Variants in DOCK4 observed in about 807,000 individuals in gnomAD.
The protein encoded by DOCK4 is dedicator of cytokinesis 4, also known as dedicator of cytokinesis protein 4.
DOCK4 carries 97 observed loss-of-function variants against 268.1 expected under a neutral mutation model. That is an observed-to-expected ratio of 0.36 (90% CI 0.31 to 0.43). The LOEUF (loss-of-function observed/expected upper bound fraction) is 0.43. DOCK4 is among the 20% of genes least tolerant of loss of function. The pLI is 1.00. For missense variants in DOCK4, 2,145 were observed against 2,455.7 expected (o/e 0.87, Z 2.67); for synonymous variants, 954 against 887.2 (o/e 1.08, Z -1.34).
intron 25 of DOCK4, among the ~76,000 whole-genome samples, chr7:111,836,612 A>G (rs1033917032): frequency 6.6e-6 from 1 of 152,198 alleles, no homozygotes; most frequent in African/African-American, 2.4e-5. Flanking sequence ...TAACATAGTT[A>G]TATTACTGTA....
chr7:111,731,609 C>T (rs1007327361), intron 52 of DOCK4, among the ~76,000 whole-genome samples: 1 of 152,160 alleles, frequency 6.6e-6, no homozygotes, highest in African/African-American at 2.4e-5. Flanking sequence ...TTAAATAGCC[C>T]ATGTCTACAA....
At chr7:111,939,080 T>C (rs1794989626) in intron 11 of DOCK4, among the ~76,000 whole-genome samples, 1 of 151,588 alleles carries the variant, frequency 6.6e-6, no homozygotes, top group African/African-American at 2.4e-5. Context: ...CTACAAGCCA[T>C]GGATCCCCCA....
chr7:111,760,031 T>G, intron 40 of DOCK4, 150 bp downstream of exon 40: 1 of 957,660 alleles, frequency 1.0e-6, no homozygotes, highest in Non-Finnish European at 1.5e-6. Flanking sequence ...TCAGAAGGAG[T>G]TAAGCTAAAA....
intron 30 of DOCK4, among the ~76,000 whole-genome samples, chr7:111,798,251 C>G (rs1019481361): frequency 1.4e-4 from 21 of 152,244 alleles, no homozygotes; most frequent in African/African-American, 5.1e-4. Context: ...GGACCAGTCT[C>G]ACAGATGGTC....
intron 8 of DOCK4, among the ~76,000 whole-genome samples, chr7:111,959,791 C>T (rs150937228): frequency 1.7e-3 from 257 of 152,286 alleles, no homozygotes; most frequent in African/African-American, 5.6e-3. Context: ...CTTAGATTTT[C>T]CTTGTGACAC....
intron 8 of DOCK4, among the ~76,000 whole-genome samples, chr7:111,946,692 A>T (rs1220372174): frequency 6.6e-6 from 1 of 152,098 alleles, no homozygotes; most frequent in Non-Finnish European, 1.5e-5. Context: ...AGAGATTCTC[A>T]TACCTCAGTC....
At chr7:111,869,802 T>G in intron 20 of DOCK4, 147 bp from the exon 21 acceptor site, 1 of 650,382 alleles carries the variant, frequency 1.5e-6, no homozygotes, top group South Asian at 1.7e-5. Context: ...TATAATAATT[T>G]TACTAAATCT....
intron 1 of DOCK4, among the ~76,000 whole-genome samples, chr7:112,153,987 TG>T (rs962095748): frequency 5.9e-5 from 9 of 152,158 alleles, no homozygotes; most frequent in Non-Finnish European, 1.2e-4. Context: ...TTGTTGTTGT[TG>T]TTAGACAGGG....
intron 24 of DOCK4, among the ~76,000 whole-genome samples, chr7:111,845,518 C>A (rs1804029982): frequency 1.3e-5 from 2 of 152,074 alleles, no homozygotes; most frequent in Admixed American, 1.3e-4. Flanking sequence ...GCAAGAGAAA[C>A]CCAAATTGCT....
intron 25 of DOCK4, among the ~76,000 whole-genome samples, chr7:111,839,206 A>G (rs1254216273): frequency 6.6e-6 from 1 of 152,202 alleles, no homozygotes; most frequent in Non-Finnish European, 1.5e-5. Flanking sequence ...TATAATTACA[A>G]TATCAGTAAG....
At chr7:112,179,218 T>C (rs1211400989) in intron 1 of DOCK4, among the ~76,000 whole-genome samples, 2 of 152,046 alleles carry the variant, frequency 1.3e-5, no homozygotes, top group African/African-American at 4.8e-5. Context: ...GAGACCCCTG[T>C]CTCTACAAAA....
At chr7:112,165,300 C>T (rs1817491220) in intron 1 of DOCK4, among the ~76,000 whole-genome samples, 1 of 152,194 alleles carries the variant, frequency 6.6e-6, no homozygotes. Flanking sequence ...TACTTCTCTG[C>T]ATCCTCCCCT....
At chr7:111,979,294 A>T (rs1331457527) in intron 7 of DOCK4, among the ~76,000 whole-genome samples, 1 of 152,208 alleles carries the variant, frequency 6.6e-6, no homozygotes, top group East Asian at 1.9e-4. Flanking sequence ...CAACAGGTAC[A>T]CTGGGAATCT....
At chr7:112,199,753 C>T (rs1820755587) in intron 1 of DOCK4, among the ~76,000 whole-genome samples, 1 of 152,074 alleles carries the variant, frequency 6.6e-6, no homozygotes, top group South Asian at 2.1e-4. Context: ...CTCAGTAAAC[C>T]ATTATCTTTA....
At chr7:111,798,747 C>T (rs891408081) in intron 30 of DOCK4, among the ~76,000 whole-genome samples, 12 of 152,184 alleles carry the variant, frequency 7.9e-5, no homozygotes, top group Non-Finnish European at 1.2e-4. Context: ...GCGCTCAATT[C>T]GCTAAGCTAA....
At chr7:111,979,144 A>T (rs1257805106) in intron 7 of DOCK4, among the ~76,000 whole-genome samples, 2 of 152,326 alleles carry the variant, frequency 1.3e-5, no homozygotes, top group Non-Finnish European at 2.9e-5. Context: ...CCAAAATGTC[A>T]TGTAAATTTA....
chr7:111,812,222 G>C (rs976366145), intron 27 of DOCK4, among the ~76,000 whole-genome samples: 14 of 152,060 alleles, frequency 9.2e-5, no homozygotes, highest in African/African-American at 2.9e-4. Flanking sequence ...TTGATGTTTT[G>C]TAATGTTTTT....
At chr7:112,133,752 T>A (rs1279604828) in intron 1 of DOCK4, among the ~76,000 whole-genome samples, 3 of 152,164 alleles carry the variant, frequency 2.0e-5, no homozygotes, top group Non-Finnish European at 4.4e-5. Context: ...ATTTTAAAAA[T>A]TAAAAAATAA....
intron 14 of DOCK4, 36 bp downstream of exon 14, chr7:111,901,641 A>G: frequency 3.1e-6 from 5 of 1,605,892 alleles, no homozygotes; most frequent in Non-Finnish European, 4.3e-6. Context: ...AATTATACAG[A>G]CTTGTTTGAC....
Sources: gnomAD v4.1 joint callset for allele counts (sites outside exome capture counted in the v4.1 genomes callset) on GRCh38, gnomAD v4.1.1 for gene constraint, MANE v1.5 for transcripts, NCBI Gene and HGNC (gene_info 2026-07-23, HGNC 2026-07-21) for gene names.